The following KLF12 variants were observed in gnomAD, a reference collection of about 807,000 sequenced individuals.
KLF12 encodes the protein Krueppel-like factor 12.
In KLF12, 9 loss-of-function variants were observed where a neutral mutation model predicts 37.8. The ratio of observed to expected loss-of-function variants is 0.24; its 90% CI spans 0.14 to 0.42. KLF12 has a LOEUF of 0.42. Among genes scored for constraint, KLF12 ranks in the 10% least tolerant of loss-of-function variants. The pLI, the probability that KLF12 is intolerant of heterozygous loss-of-function variation, is 1.00. For missense variants in KLF12, 411 were observed against 516.0 expected (o/e 0.80, Z 1.97); for synonymous variants, 208 against 202.1 (o/e 1.03, Z -0.25).
At chr13:74,299,753 A>G in the KLF12 span, among the ~76,000 whole-genome samples, 1 of 152,172 alleles carries the variant, frequency 6.6e-6, no homozygotes, top group African/African-American at 2.4e-5. Context: ...AAAATTTTCA[A>G]GTAGTGTTCC....
chr13:73,832,005 T>C lies in KLF12; in HGVS notation c.670+13822A>G, dbSNP rs145164524. Among the ~76,000 whole-genome samples the C allele has an allele frequency of 8.5e-5, 13 of 152,322 alleles. No homozygotes were observed. The East Asian group carries it at 2.5e-3, about 29-fold the overall frequency. On this transcript the variant is annotated intron_variant, in intron 4 of 7. Transcript: ENST00000377669. ...ATTCTCTACTTACGTGGTTAGAAAA[T>C]TATATTCACAAAGAACATAACAAAT...
the KLF12 span, among the ~76,000 whole-genome samples, chr13:74,208,682 A>T: frequency 1.3e-5 from 2 of 152,148 alleles, no homozygotes; most frequent in Non-Finnish European, 2.9e-5. Flanking sequence ...AATGGTGTTT[A>T]AAAACATATG....
intron 1 of KLF12, among the ~76,000 whole-genome samples, chr13:74,027,766 A>C (rs1307537614): frequency 6.6e-6 from 1 of 152,172 alleles, no homozygotes; most frequent in Non-Finnish European, 1.5e-5. Context: ...TTTTACTTCA[A>C]AAACTTTAAA....
the KLF12 span, among the ~76,000 whole-genome samples, chr13:74,204,273 A>G: frequency 6.6e-6 from 1 of 152,254 alleles, no homozygotes; most frequent in East Asian, 1.9e-4. Context: ...GAAGGTTTTG[A>G]AATGTTTGCA....
the KLF12 span, among the ~76,000 whole-genome samples, chr13:74,143,946 A>G: frequency 6.6e-6 from 1 of 152,188 alleles, no homozygotes; most frequent in East Asian, 1.9e-4. Context: ...TTTTCAATTT[A>G]CAGTTGGTTT....
At chr13:74,221,089 C>T in the KLF12 span, among the ~76,000 whole-genome samples, 1 of 151,326 alleles carries the variant, frequency 6.6e-6, no homozygotes, top group African/African-American at 2.4e-5. Context: ...ACTGCAAGCT[C>T]CGCCTCCCGG....
chr13:74,027,746 C>A (rs1048635639), intron 1 of KLF12, among the ~76,000 whole-genome samples: 1 of 152,116 alleles, frequency 6.6e-6, no homozygotes, highest in Non-Finnish European at 1.5e-5. Flanking sequence ...TTTTTGGCCT[C>A]TTTTTTCTTT....
At chr13:73,765,242 C>T (rs764748783) in intron 5 of KLF12, among the ~76,000 whole-genome samples, 1 of 152,014 alleles carries the variant, frequency 6.6e-6, no homozygotes, top group Admixed American at 6.6e-5. Flanking sequence ...CTGAAGACTC[C>T]CAGAGGCAGG....
chr13:74,263,318 A>C, the KLF12 span, among the ~76,000 whole-genome samples: 3 of 152,200 alleles, frequency 2.0e-5, no homozygotes, highest in Non-Finnish European at 4.4e-5. Context: ...TGAAGAAAAC[A>C]TTATTAAGGA....
At chr13:74,053,412 G>A (rs1873044462) in intron 1 of KLF12, among the ~76,000 whole-genome samples, 1 of 152,066 alleles carries the variant, frequency 6.6e-6, no homozygotes, top group East Asian at 1.9e-4. Context: ...GGATGATCAT[G>A]TGTCAGGCAC....
chr13:74,224,581 C>T, the KLF12 span, among the ~76,000 whole-genome samples: 5 of 152,094 alleles, frequency 3.3e-5, no homozygotes, highest in Non-Finnish European at 7.4e-5. Context: ...TTATTACATA[C>T]GTTGTAGCAT....
chr13:73,873,022 T>C (rs1224436079), intron 3 of KLF12, among the ~76,000 whole-genome samples: 2 of 152,126 alleles, frequency 1.3e-5, no homozygotes, highest in Admixed American at 1.3e-4. Flanking sequence ...GTTAGGTGCC[T>C]CTCTTTCTCC....
chr13:74,023,250 T>C (rs1223494976), intron 1 of KLF12, among the ~76,000 whole-genome samples: 1 of 152,198 alleles, frequency 6.6e-6, no homozygotes, highest in Non-Finnish European at 1.5e-5. Flanking sequence ...CTACAGATGT[T>C]TGGTTTTGTT....
At chr13:73,812,141 A>G (rs916399298) in intron 5 of KLF12, among the ~76,000 whole-genome samples, 7 of 152,156 alleles carry the variant, frequency 4.6e-5, no homozygotes, top group African/African-American at 1.4e-4. Flanking sequence ...GAAGACACAT[A>G]TTGTATGACA....
the KLF12 span, among the ~76,000 whole-genome samples, chr13:74,153,997 G>T: frequency 6.6e-6 from 1 of 152,034 alleles, no homozygotes; most frequent in African/African-American, 2.4e-5. Context: ...GGAGGCCAAG[G>T]CAGGCAGATC....
At chr13:74,287,727 T>C in the KLF12 span, among the ~76,000 whole-genome samples, 1 of 152,156 alleles carries the variant, frequency 6.6e-6, no homozygotes, top group Admixed American at 6.5e-5. Flanking sequence ...ATTACAAAAA[T>C]AGTGTTTAAC....
chr13:74,241,252 G>GC, the KLF12 span, among the ~76,000 whole-genome samples: 33,933 of 152,042 alleles, frequency 0.22, 6,476 homozygotes, highest in African/African-American at 0.52. Flanking sequence ...CAGTTAGGCT[G>GC]CCCGGGGGTC....
intron 6 of KLF12, among the ~76,000 whole-genome samples, chr13:73,759,930 A>G (rs1315023277): frequency 6.6e-6 from 1 of 152,194 alleles, no homozygotes; most frequent in Non-Finnish European, 1.5e-5. Context: ...GAATGTTCTC[A>G]TTTTTATGAC....
the KLF12 span, among the ~76,000 whole-genome samples, chr13:74,176,963 G>T: frequency 1.5e-3 from 221 of 152,272 alleles, no homozygotes; most frequent in African/African-American, 5.2e-3. Flanking sequence ...CACCATTGTA[G>T]AAATGAATAT....
Sources: allele counts gnomAD v4.1 joint callset (sites outside exome capture counted in the v4.1 genomes callset), GRCh38; gene constraint gnomAD v4.1.1; transcripts MANE v1.5; gene names NCBI Gene and HGNC (gene_info 2026-07-23, HGNC 2026-07-21).